The following ZNF407 variants were observed in gnomAD, a reference collection of about 807,000 sequenced individuals.
ZNF407 encodes zinc finger protein 407.
In ZNF407, 17 loss-of-function variants were observed where a neutral mutation model predicts 131.2. The ratio of observed to expected loss-of-function variants is 0.13; its 90% CI spans 0.09 to 0.19. The LOEUF (loss-of-function observed/expected upper bound fraction) is 0.19, where lower values mean the gene tolerates loss of function less well. Among genes scored for constraint, ZNF407 ranks in the 10% least tolerant of loss-of-function variants. The pLI is 1.00. For missense variants in ZNF407, 2,681 were observed against 2,830.6 expected, an observed-to-expected ratio of 0.95 and a Z score of 1.20; for synonymous variants, 1,156 against 1,062.0, an observed-to-expected ratio of 1.09 and a Z score of -1.72.
intron 7 of ZNF407, among the ~76,000 whole-genome samples, chr18:74,895,892 T>C (rs990278301): frequency 1.3e-5 from 2 of 152,216 alleles, no homozygotes. Flanking sequence ...TCAGAGACTT[T>C]CAGTTTTCCT....
At chr18:74,654,014 ATATT>A (rs1335871419) in intron 3 of ZNF407, among the ~76,000 whole-genome samples, 1 of 151,836 alleles carries the variant, frequency 6.6e-6, no homozygotes, top group African/African-American at 2.4e-5. Flanking sequence ...ATACTTCAAA[ATATT>A]TAGTTTTACA....
intron 8 of ZNF407, among the ~76,000 whole-genome samples, chr18:74,945,795 CAT>C: frequency 6.6e-6 from 1 of 152,052 alleles, no homozygotes. Context: ...CATACAATAA[CAT>C]AGTAATTAGA....
chr18:75,039,246 C>T (rs940491388), intron 8 of ZNF407, among the ~76,000 whole-genome samples: 5 of 152,190 alleles, frequency 3.3e-5, no homozygotes, highest in Admixed American at 6.5e-5. Flanking sequence ...TAAACCTGTT[C>T]GATGTGTCAG....
intron 4 of ZNF407, among the ~76,000 whole-genome samples, chr18:74,834,535 C>G (rs1970529328): frequency 6.6e-6 from 1 of 152,194 alleles, no homozygotes; most frequent in South Asian, 2.1e-4. Context: ...TAACTCCAGA[C>G]TGGATGAACA....
intron 4 of ZNF407, among the ~76,000 whole-genome samples, chr18:74,792,981 T>C (rs143063787): frequency 3.9e-5 from 6 of 152,330 alleles, no homozygotes; most frequent in Admixed American, 6.5e-5. Context: ...TTATTTGCTA[T>C]TGACTTTTGT....
chr18:74,699,530 G>A (rs955544535), intron 3 of ZNF407, among the ~76,000 whole-genome samples: 3 of 152,084 alleles, frequency 2.0e-5, no homozygotes, highest in African/African-American at 4.8e-5. Flanking sequence ...TCCTGGTACC[G>A]GTGTTGGAGT....
intron 3 of ZNF407, among the ~76,000 whole-genome samples, chr18:74,753,007 G>C (rs913677416): frequency 6.6e-6 from 1 of 152,172 alleles, no homozygotes; most frequent in East Asian, 1.9e-4. Flanking sequence ...CTATCCATGA[G>C]CATGGAATGT....
intron 3 of ZNF407, among the ~76,000 whole-genome samples, chr18:74,719,916 C>T (rs897683047): frequency 5.3e-5 from 8 of 152,166 alleles, no homozygotes; most frequent in Admixed American, 3.3e-4. Flanking sequence ...TGTTGGGCAC[C>T]TTTATGTCTT....
At chr18:75,001,845 C>T (rs969650810) in intron 8 of ZNF407, among the ~76,000 whole-genome samples, 2 of 152,300 alleles carry the variant, frequency 1.3e-5, no homozygotes, top group South Asian at 4.1e-4. Context: ...ATTCTGTCCC[C>T]CGTGAATATT....
intron 8 of ZNF407, among the ~76,000 whole-genome samples, chr18:74,949,868 G>A (rs1972194208): frequency 6.6e-6 from 1 of 152,200 alleles, no homozygotes; most frequent in African/African-American, 2.4e-5. Context: ...CCCACAGCCT[G>A]TTTGATATGA....
intron 3 of ZNF407, among the ~76,000 whole-genome samples, chr18:74,641,467 A>G (rs1984713672): frequency 6.6e-6 from 1 of 151,304 alleles, no homozygotes; most frequent in African/African-American, 2.4e-5. Context: ...ATGTATATGT[A>G]TTTTTTTTTC....
At chr18:74,908,648 T>A (rs1971627847) in intron 7 of ZNF407, among the ~76,000 whole-genome samples, 1 of 152,190 alleles carries the variant, frequency 6.6e-6, no homozygotes, top group African/African-American at 2.4e-5. Flanking sequence ...ATTTTAAATT[T>A]AAACAGCACA....
At chr18:75,060,037 G>C (rs879594980) in intron 8 of ZNF407, 1 of 152,214 alleles carries the variant, frequency 6.6e-6, no homozygotes, top group Non-Finnish European at 1.5e-5. Context: ...AACTCCTTTG[G>C]AAAGTCTCCA....
chr18:74,762,316 G>C (rs1969113804), intron 3 of ZNF407, among the ~76,000 whole-genome samples: 1 of 152,026 alleles, frequency 6.6e-6, no homozygotes, highest in Non-Finnish European at 1.5e-5. Context: ...TCTTACTTGT[G>C]TATGAGTGTA....
At chr18:74,690,628 G>A (rs1361081691) in intron 3 of ZNF407, among the ~76,000 whole-genome samples, 1 of 152,120 alleles carries the variant, frequency 6.6e-6, no homozygotes, top group Non-Finnish European at 1.5e-5. Context: ...AAGAAAAATG[G>A]AGCATAAAGT....
At chr18:74,748,182 T>A (rs1968714907) in intron 3 of ZNF407, among the ~76,000 whole-genome samples, 1 of 152,124 alleles carries the variant, frequency 6.6e-6, no homozygotes, top group African/African-American at 2.4e-5. Context: ...TAGGCATGAC[T>A]CAGGGCTTGC....
intron 4 of ZNF407, among the ~76,000 whole-genome samples, chr18:74,842,567 C>T (rs1031022807): frequency 1.0e-4 from 15 of 150,630 alleles, no homozygotes; most frequent in East Asian, 2.0e-4. Context: ...AAAACAGTGA[C>T]GCCTTTTTGA....
At chr18:74,911,311 A>T (rs1971667084) in intron 7 of ZNF407, among the ~76,000 whole-genome samples, 1 of 152,232 alleles carries the variant, frequency 6.6e-6, no homozygotes, top group African/African-American at 2.4e-5. Flanking sequence ...TAATGTTAAC[A>T]TGTTGCCTAC....
At chr18:74,868,052 G>C (rs1044644542) in intron 4 of ZNF407, among the ~76,000 whole-genome samples, 10 of 152,068 alleles carry the variant, frequency 6.6e-5, no homozygotes, top group African/African-American at 2.4e-4. Context: ...AGTTATATTT[G>C]TTAATTCATT....
Sources: allele counts gnomAD v4.1 joint callset (sites outside exome capture counted in the v4.1 genomes callset), GRCh38; gene constraint gnomAD v4.1.1; transcripts MANE v1.5; gene names NCBI Gene and HGNC (gene_info 2026-07-23, HGNC 2026-07-21).